PPARG: variants seen among roughly 807,000 people sequenced by gnomAD.
PPARG encodes peroxisome proliferator-activated receptor gamma.
A neutral mutation model predicts 39.2 loss-of-function variants in PPARG; 17 were observed. The observed-to-expected ratio is 0.43, with a 90% CI of 0.30 to 0.65. The LOEUF (loss-of-function observed/expected upper bound fraction) is 0.65, where lower values mean the gene tolerates loss of function less well. Ranked by LOEUF, PPARG falls within the 30% of genes least tolerant of loss-of-function variation. PPARG has a pLI of 0.13. For synonymous variants in PPARG, 223 were observed against 215.7 expected, an observed-to-expected ratio of 1.03 and a Z score of -0.30; for missense variants, 406 against 585.9, an observed-to-expected ratio of 0.69 and a Z score of 3.17.
intron 1 of PPARG, among the ~76,000 whole-genome samples, chr3:12,291,638 T>C (rs937197592): frequency 2.6e-5 from 4 of 152,204 alleles, no homozygotes; most frequent in African/African-American, 9.6e-5. Context: ...GGCCATGTTT[T>C]GGGGAAAACT....
intron 1 of PPARG, among the ~76,000 whole-genome samples, chr3:12,308,339 G>C (rs2047130807): frequency 1.2e-5 from 1 of 81,762 alleles, no homozygotes; most frequent in Admixed American, 2.0e-4. Context: ...GCAAGACCCT[G>C]TCTCAAAAAA....
At chr3:12,376,461 C>T (rs1195234829) in intron 2 of PPARG, among the ~76,000 whole-genome samples, 3 of 152,112 alleles carry the variant, frequency 2.0e-5, no homozygotes, top group African/African-American at 7.2e-5. Flanking sequence ...TGCACAGATA[C>T]ACAGAGGAGA....
At chr3:12,381,869 C>T (rs1465472579) in intron 4 of PPARG, among the ~76,000 whole-genome samples, 1 of 152,212 alleles carries the variant, frequency 6.6e-6, no homozygotes, top group East Asian at 1.9e-4. Flanking sequence ...CATGGCAAGA[C>T]AGTGATGACC....
intron 1 of PPARG, among the ~76,000 whole-genome samples, chr3:12,306,962 G>A (rs1447377005): frequency 1.3e-5 from 2 of 151,996 alleles, no homozygotes; most frequent in African/African-American, 2.4e-5. Context: ...GCCGGGCGTG[G>A]TGGTGGGCGC....
intron 6 of PPARG, among the ~76,000 whole-genome samples, chr3:12,408,306 A>G (rs953495372): frequency 6.6e-6 from 1 of 152,180 alleles, no homozygotes; most frequent in Non-Finnish European, 1.5e-5. Flanking sequence ...GTTCTTTTCA[A>G]ATTACAAAAG....
chr3:12,390,632 TCTTCC>T (rs1358120624), intron 4 of PPARG, among the ~76,000 whole-genome samples: 1 of 115,304 alleles, frequency 8.7e-6, no homozygotes, highest in East Asian at 3.0e-4. Flanking sequence ...AGCTGTATTT[TCTTCC>T]TTTTTTTTTT....
intron 1 of PPARG, among the ~76,000 whole-genome samples, chr3:12,291,264 C>T (rs2046641387): frequency 6.6e-6 from 1 of 152,150 alleles, no homozygotes; most frequent in Admixed American, 6.5e-5. Context: ...CTCTTAATAT[C>T]CCAAAGCAAC....
At chr3:12,356,204 T>C (rs1198029876) in intron 2 of PPARG, among the ~76,000 whole-genome samples, 1 of 152,230 alleles carries the variant, frequency 6.6e-6, no homozygotes, top group Non-Finnish European at 1.5e-5. Context: ...GAATTAAGTT[T>C]CTGTAAAGTT....
chr3:12,374,700 G>T (rs894780552), intron 2 of PPARG, among the ~76,000 whole-genome samples: 1 of 152,082 alleles, frequency 6.6e-6, no homozygotes, highest in African/African-American at 2.4e-5. Flanking sequence ...GTCAATATTG[G>T]TTCATCAGTT....
chr3:12,327,413 A>G (rs2047725609), intron 2 of PPARG, among the ~76,000 whole-genome samples: 1 of 152,220 alleles, frequency 6.6e-6, no homozygotes, highest in Admixed American at 6.5e-5. Context: ...AAGTCCAGTA[A>G]AGAGAAGCCT....
intron 4 of PPARG, 149 bp from the exon 5 acceptor site, chr3:12,392,465 G>A (rs758603067): frequency 1.2e-5 from 10 of 812,944 alleles, no homozygotes; most frequent in Non-Finnish European, 1.8e-5. Context: ...TTCCAGAGAG[G>A]TTAAGTGACT....
At chr3:12,376,460 A>G (rs1315954528) in intron 2 of PPARG, among the ~76,000 whole-genome samples, 1 of 152,188 alleles carries the variant, frequency 6.6e-6, no homozygotes, top group Non-Finnish European at 1.5e-5. Flanking sequence ...ATGCACAGAT[A>G]CACAGAGGAG....
chr3:12,425,891 T>G (rs1424569478), intron 7 of PPARG, among the ~76,000 whole-genome samples: 1 of 152,106 alleles, frequency 6.6e-6, no homozygotes, highest in Non-Finnish European at 1.5e-5. Context: ...CGGGTTCCAT[T>G]TTCACTCTGA....
intron 2 of PPARG, among the ~76,000 whole-genome samples, chr3:12,358,501 T>G (rs2048737112): frequency 1.3e-5 from 2 of 152,224 alleles, no homozygotes; most frequent in South Asian, 4.1e-4. Context: ...TCTTATTATT[T>G]TGCTTGCATT....
chr3:12,421,563 A>G (rs775805937), intron 7 of PPARG, among the ~76,000 whole-genome samples: 6 of 152,198 alleles, frequency 3.9e-5, no homozygotes, highest in Non-Finnish European at 7.3e-5. Flanking sequence ...AGTGTAGGAG[A>G]GTTCCAGCTG....
At chr3:12,337,010 T>C (rs2048030474) in intron 2 of PPARG, among the ~76,000 whole-genome samples, 1 of 152,204 alleles carries the variant, frequency 6.6e-6, no homozygotes, top group South Asian at 2.1e-4. Flanking sequence ...ATAAATGAAC[T>C]AGAAGGCATA....
intron 6 of PPARG, chr3:12,406,566 G>A (rs189251869): frequency 3.2e-3 from 238 of 74,752 alleles, no homozygotes; most frequent in Non-Finnish European, 5.4e-3. Flanking sequence ...TTGAGATGTC[G>A]TCTCACTTTG....
intron 7 of PPARG, among the ~76,000 whole-genome samples, chr3:12,431,267 A>T (rs769038519): frequency 1.3e-5 from 2 of 152,188 alleles, no homozygotes; most frequent in Non-Finnish European, 2.9e-5. Flanking sequence ...GCTTCTATAT[A>T]ACTCTTAGGT....
chr3:12,329,038 C>T (rs1043461849), intron 2 of PPARG, among the ~76,000 whole-genome samples: 4 of 152,154 alleles, frequency 2.6e-5, no homozygotes, highest in African/African-American at 9.7e-5. Flanking sequence ...GCTGGCTCAT[C>T]CCAGCCCAGG....
Sources: gnomAD v4.1 joint callset for allele counts (sites outside exome capture counted in the v4.1 genomes callset) on GRCh38, gnomAD v4.1.1 for gene constraint, MANE v1.5 for transcripts, NCBI Gene and HGNC (gene_info 2026-07-23, HGNC 2026-07-21) for gene names.